The following PAFAH1B1 variants were observed in gnomAD, a reference collection of about 807,000 sequenced individuals.
PAFAH1B1 encodes platelet activating factor acetylhydrolase 1b regulatory subunit 1.
A neutral mutation model predicts 57.5 loss-of-function variants in PAFAH1B1; 2 were observed. The observed-to-expected ratio is 0.03, with a 90% CI of 0.01 to 0.11. The LOEUF (loss-of-function observed/expected upper bound fraction) is 0.11. Among genes scored for constraint, PAFAH1B1 ranks in the 10% least tolerant of loss-of-function variants. PAFAH1B1 has a pLI of 1.00. For synonymous variants in PAFAH1B1, 152 were observed against 169.6 expected, an observed-to-expected ratio of 0.90 and a Z score of 0.81; for missense variants, 257 against 512.0, an observed-to-expected ratio of 0.50 and a Z score of 4.81.
At chr17:2,637,414 T>C (rs578224550) in intron 1 of PAFAH1B1, among the ~76,000 whole-genome samples, 82 of 45,922 alleles carry the variant, frequency 1.8e-3, no homozygotes, top group Middle Eastern at 0.012. Context: ...GACCTGTCTC[T>C]ACAAAAAAAA....
At chr17:2,630,826 T>G (rs909875503) in intron 1 of PAFAH1B1, among the ~76,000 whole-genome samples, 3 of 152,224 alleles carry the variant, frequency 2.0e-5, no homozygotes, top group African/African-American at 7.2e-5. Context: ...TTTCTTTGTC[T>G]TTGTTGGGTT....
In PAFAH1B1 at chr17:2,671,850, G is replaced by A. The variant is rs996995759; in HGVS notation, c.569-805G>A. Among the ~76,000 whole-genome samples the A allele has an allele frequency of 1.1e-4, 17 of 152,058 alleles. 1 individual carries two copies. Among genetic ancestry groups the A allele is most frequent in the East Asian group, 3.9e-4 (2 of 5,160 alleles). ...ACTCCTGACCTCAGGTGATCCGCCC[G>A]CCTCGGCCTCCCAAAGTGCTGGGAT... On this transcript the variant is annotated intron_variant, in intron 6 of 10. Transcript: ENST00000397195.
At chr17:2,621,097 G>T (rs1372022855) in intron 1 of PAFAH1B1, among the ~76,000 whole-genome samples, 1 of 151,814 alleles carries the variant, frequency 6.6e-6, no homozygotes, top group African/African-American at 2.4e-5. Flanking sequence ...TCTCATAAAT[G>T]AATTTGAAAA....
intron 2 of PAFAH1B1, among the ~76,000 whole-genome samples, chr17:2,662,236 G>A (rs1700520828): frequency 6.6e-6 from 1 of 152,114 alleles, no homozygotes. Context: ...CATTCGTTAT[G>A]TTTGTAATAG....
intron 1 of PAFAH1B1, among the ~76,000 whole-genome samples, chr17:2,602,433 T>C (rs1281086211): frequency 6.6e-6 from 1 of 152,200 alleles, no homozygotes; most frequent in Non-Finnish European, 1.5e-5. Context: ...AATAATACTT[T>C]ACGTGGGACT....
chr17:2,673,834 C>G, intron 7 of PAFAH1B1: 2 of 509,006 alleles, frequency 3.9e-6, no homozygotes, highest in South Asian at 2.5e-5. Flanking sequence ...GATTTTATTT[C>G]TTATACATAT....
rs1405234972 is a variant in PAFAH1B1, at chr17:2,685,170, G to A, written c.*3368G>A. ...AGGTTTTGGATTTTTTTTCCAGTGG[G>A]GTGGGGGGAGGGCAAGCTGGATTTA... On this transcript the variant is annotated 3_prime_UTR_variant, in exon 11 of 11. Transcript: ENST00000397195. 1 of 129,140 alleles carries A rather than the reference G, an allele frequency of 7.7e-6. No individual in the cohort carries two copies. The highest frequency in any genetic ancestry group is 1.6e-5 in the Non-Finnish European group (1 of 62,366). 8.0% of individuals were successfully genotyped at this position (129,140 alleles called of 1,614,324 possible).
intron 2 of PAFAH1B1, among the ~76,000 whole-genome samples, chr17:2,663,424 G>A (rs965139858): frequency 6.6e-6 from 1 of 152,060 alleles, no homozygotes; most frequent in East Asian, 1.9e-4. Flanking sequence ...GTCTTGCTCT[G>A]ATAGGCAGGC....
chr17:2,676,435 A>C, intron 8 of PAFAH1B1, 70 bp from the exon 9 acceptor site: 1 of 937,466 alleles, frequency 1.1e-6, no homozygotes, highest in Non-Finnish European at 1.8e-6. Flanking sequence ...TCATTATTAG[A>C]TAGAAGCCAT....
intron 2 of PAFAH1B1, among the ~76,000 whole-genome samples, chr17:2,644,790 T>G (rs993221194): frequency 1.3e-5 from 2 of 152,178 alleles, no homozygotes; most frequent in Admixed American, 6.6e-5. Flanking sequence ...ATGCTTTGTA[T>G]GAACTCACTG....
intron 2 of PAFAH1B1, among the ~76,000 whole-genome samples, chr17:2,649,465 T>C (rs920068030): frequency 6.6e-6 from 1 of 151,048 alleles, no homozygotes; most frequent in Non-Finnish European, 1.5e-5. Context: ...TCCCACATAC[T>C]TGGGAGGCTG....
intron 2 of PAFAH1B1, among the ~76,000 whole-genome samples, chr17:2,661,614 T>C (rs2058165): frequency 0.97 from 148,211 of 152,238 alleles, 72,281 homozygotes; most frequent in Middle Eastern, 1. Flanking sequence ...CCTCCAGCTT[T>C]GTTCTTTTTG....
intron 7 of PAFAH1B1, among the ~76,000 whole-genome samples, chr17:2,673,292 ATT>A (rs2069208229): frequency 1.3e-5 from 2 of 152,124 alleles, no homozygotes; most frequent in South Asian, 4.1e-4. Context: ...GTAATGGCTT[ATT>A]TCCTCTGTGG....
At chr17:2,655,490 A>G (rs116669235) in intron 2 of PAFAH1B1, among the ~76,000 whole-genome samples, 3,488 of 152,284 alleles carry the variant, frequency 0.023, 114 homozygotes, top group African/African-American at 0.075. Context: ...CCTGACCAAC[A>G]TGGAGAAAAC....
At chr17:2,648,677 CAA>C (rs56187260) in intron 2 of PAFAH1B1, among the ~76,000 whole-genome samples, 10 of 86,962 alleles carry the variant, frequency 1.1e-4, no homozygotes, top group African/African-American at 1.8e-4. Flanking sequence ...GACTCTGTCT[CAA>C]AAAAAAAAAA....
intron 2 of PAFAH1B1, among the ~76,000 whole-genome samples, chr17:2,664,273 G>A (rs897339469): frequency 7.9e-5 from 12 of 151,964 alleles, no homozygotes; most frequent in Admixed American, 3.3e-4. Context: ...ACGTAGTTTC[G>A]CTGTTGTTGC....
chr17:2,642,676 C>T (rs1356140090), intron 2 of PAFAH1B1, among the ~76,000 whole-genome samples: 3 of 152,166 alleles, frequency 2.0e-5, no homozygotes, highest in Admixed American at 6.5e-5. Flanking sequence ...ACCAGACATC[C>T]GGGAAAGGAT....
chr17:2,667,227 G>T (rs774606116), intron 5 of PAFAH1B1, 29 bp downstream of exon 5: 2 of 1,550,728 alleles, frequency 1.3e-6, no homozygotes, highest in East Asian at 2.2e-5. Flanking sequence ...CAGACTTAAC[G>T]GGAGGCTGAA....
chr17:2,628,575 T>C (rs1267023956), intron 1 of PAFAH1B1, among the ~76,000 whole-genome samples: 1 of 152,140 alleles, frequency 6.6e-6, no homozygotes, highest in Non-Finnish European at 1.5e-5. Flanking sequence ...CTTTCCTGGT[T>C]TTGGTATTAG....
Sources: allele counts gnomAD v4.1 joint callset (sites outside exome capture counted in the v4.1 genomes callset), GRCh38; gene constraint gnomAD v4.1.1; transcripts MANE v1.5; gene names NCBI Gene and HGNC (gene_info 2026-07-23, HGNC 2026-07-21).